Variants in TSEN2 observed in about 807,000 individuals in gnomAD.
The protein encoded by TSEN2 is tRNA-splicing endonuclease subunit Sen2.
Under a neutral mutation model 59.2 loss-of-function variants are expected in TSEN2, and 54 were observed. The ratio of observed to expected loss-of-function variants is 0.91; its 90% CI spans 0.73 to 1.14. The LOEUF (loss-of-function observed/expected upper bound fraction) is 1.14, where lower values mean the gene tolerates loss of function less well. Among genes scored for constraint, TSEN2 ranks in the 50% most tolerant of loss-of-function variants. The pLI, the probability that TSEN2 is intolerant of heterozygous loss-of-function variation, is 0.00. For synonymous variants in TSEN2, 195 were observed against 198.2 expected (o/e 0.98, Z 0.14); for missense variants, 636 against 576.2 (o/e 1.10, Z -1.06).
chr3:12,503,700 G>T lies in TSEN2; in HGVS notation c.747G>T (p.Gly249=), dbSNP rs572082975. The T allele has an allele frequency of 1.6e-5, 26 of 1,613,422 alleles. No homozygotes were observed. The South Asian group carries it at 2.6e-4, about 16-fold the overall frequency. The part of the protein sequence containing the change: ...GSQHIGLLHP[G]DRGPDHEYVL... The stretch of plus-strand genomic sequence containing the variant: ...AGCACATCGGCCTCCTGCATCCTGG[G>T]GACAGAGGGCCTGACCATGAGTACG... Residue 249 remains glycine (G), a synonymous_variant, in exon 5 of 12, where the codon GGG becomes GGT. Coordinates refer to ENST00000284995, the MANE Select transcript of TSEN2 (RefSeq NM_025265.4).
chr3:12,492,014 G>A, intron 2 of TSEN2, 122 bp from the exon 3 acceptor site: 1 of 781,488 alleles, frequency 1.3e-6, no homozygotes, highest in Non-Finnish European at 2.2e-6. Flanking sequence ...GCCGATTTTG[G>A]TATCCACCAG....
At position 12,528,929 on chromosome 3, in the gene TSEN2, G is replaced by A. The variant is rs752031887; in HGVS notation, c.1136+5G>A. 6.2e-6 allele frequency: 10 copies of A among 1,613,744 alleles called. No homozygotes were observed. Among genetic ancestry groups the A allele is most frequent in the South Asian group, 1.1e-5 (1 of 91,068 alleles). On this transcript the variant is annotated splice_donor_5th_base_variant and intron_variant, in intron 9 of 11. Transcript: ENST00000284995. The stretch of plus-strand genomic sequence containing the variant: ...CCCTCCATTTTACCATGCAAGGTTC[G>A]GAGTGATTTTTAAATAAACTAATGG...
intron 6 of TSEN2, among the ~76,000 whole-genome samples, chr3:12,515,577 C>T (rs2055981203): frequency 2.0e-5 from 3 of 152,220 alleles, no homozygotes; most frequent in African/African-American, 4.8e-5. Flanking sequence ...TATCTGTAGA[C>T]CCTAAGCGCC....
rs972852444 is a variant in TSEN2, at chr3:12,528,910, A to G, written c.1122A>G (p.Pro374=). 2.5e-6 allele frequency: 4 copies of G among 1,613,680 alleles called. No homozygotes were observed. The highest frequency in any genetic ancestry group is 1.3e-5 in the African/African-American group (1 of 74,796). ...CAGTGCTATATCGGAAAGGCCCTCC[A>G]TTTTACCATGCAAGGTTCGGAGTGA... The part of the protein sequence containing the change: ...TDLLLYRKGP[P]FYHASYSVII... The change falls in exon 9 of 12, where the codon CCA becomes CCG. Residue 374 remains proline (P), a synonymous_variant. Coordinates refer to ENST00000284995, the MANE Select transcript of TSEN2 (RefSeq NM_025265.4).
chr3:12,503,778 T>C lies in TSEN2; in HGVS notation c.825T>C (p.Asn275=), dbSNP rs1250750363. The C allele has an allele frequency of 6.2e-6, 10 of 1,613,830 alleles. No homozygotes were observed. The highest frequency in any genetic ancestry group is 1.6e-4 in the Middle Eastern group (1 of 6,062). ...CAMSEREAAP[N]EELVQRNRLI... is the part of the protein sequence containing the mutation. ...TGAGCGAGAGGGAGGCTGCCCCAAATGAGGAAGTAAGTAGAAGAAAATAAA... is the reference window on the plus strand; with the variant it reads ...TGAGCGAGAGGGAGGCTGCCCCAAACGAGGAAGTAAGTAGAAGAAAATAAA... Residue 275 remains asparagine, a synonymous_variant, in exon 5 of 12, where the codon AAT becomes AAC. Coordinates refer to ENST00000284995, the MANE Select transcript of TSEN2 (RefSeq NM_025265.4).
rs144549919 is a variant in TSEN2 at position 12,505,708 on chromosome 3, C to T, written c.909+477C>T. ...CTGAGGCAGGAGAATTGCTTGAACC[C>T]GGGAGGTGGAGGTTGCAGTAAGCCA... On this transcript the variant is annotated intron_variant, in intron 6 of 11. Coordinates refer to ENST00000284995, the MANE Select transcript of TSEN2 (RefSeq NM_025265.4). The T allele has an allele frequency of 8.8e-3, 1,296 of 146,826 alleles. 12 individuals carry two copies. The highest frequency in any genetic ancestry group is 0.03 in the African/African-American group (1,144 of 37,790). 9.1% of individuals were successfully genotyped at this position (146,826 alleles called of 1,614,324 possible).
chr3:12,505,410 T>G, intron 6 of TSEN2, 179 bp downstream of exon 6: 1 of 615,976 alleles, frequency 1.6e-6, no homozygotes, highest in Non-Finnish European at 2.9e-6. Flanking sequence ...TCAGCCTTTA[T>G]TTCATCAGTT....
chr3:12,482,308 A>G (rs1236389683), upstream of TSEN2, among the ~76,000 whole-genome samples: 1 of 152,082 alleles, frequency 6.6e-6, no homozygotes, highest in African/African-American at 2.4e-5. Context: ...TTTAGTAGAG[A>G]TGGGGTTTCT....
intron 8 of TSEN2, among the ~76,000 whole-genome samples, chr3:12,523,526 C>CTTTTTTTTTTT (rs546904336): frequency 0.023 from 1,085 of 46,446 alleles, 221 homozygotes; most frequent in Non-Finnish European, 0.039. Flanking sequence ...CTCTTTGATT[C>CTTTTTTTTTTT]TTTTTTTTTT....
At chr3:12,480,528 G>GTTTTTTTTTTTTTTTTTT (rs752340308), upstream of TSEN2, among the ~76,000 whole-genome samples, 54 of 91,728 alleles carry the variant, frequency 5.9e-4, no homozygotes, top group Non-Finnish European at 7.1e-4. Flanking sequence ...TTGTTTCTTT[G>GTTTTTTTTTTTTTTTTTT]TTTTTTTTTT....
intron 7 of TSEN2, among the ~76,000 whole-genome samples, chr3:12,517,897 A>T (rs1372498586): frequency 1.3e-5 from 2 of 152,220 alleles, no homozygotes; most frequent in East Asian, 3.9e-4. Flanking sequence ...TTGGGGTCAC[A>T]AGGTCACACA....
At position 12,508,519 on chromosome 3, in the gene TSEN2, C is replaced by A. The variant is rs926657088; in HGVS notation, c.909+3288C>A. On this transcript the variant is annotated intron_variant, in intron 6 of 11. Transcript: ENST00000284995. ...GGAACACAGGCAGAATGGGGTCTCA[C>A]CCCTGCTGTGGTGATTCACAACAGC... Among the ~76,000 whole-genome samples, 11 of 152,174 alleles carry A rather than the reference C, an allele frequency of 7.2e-5. No individual in the cohort carries two copies. In the South Asian group the frequency reaches 8.3e-4, roughly 11 times the overall value.
At chr3:12,514,090 C>T (rs1415770471) in intron 6 of TSEN2, among the ~76,000 whole-genome samples, 2 of 152,192 alleles carry the variant, frequency 1.3e-5, no homozygotes, top group Non-Finnish European at 2.9e-5. Flanking sequence ...CGGAGGAACA[C>T]ATGTAAGAGG....
chr3:12,507,615 A>G (rs1223539729), intron 6 of TSEN2, among the ~76,000 whole-genome samples: 1 of 152,202 alleles, frequency 6.6e-6, no homozygotes, highest in Non-Finnish European at 1.5e-5. Context: ...TTGGGTACCT[A>G]CTATGTGCCA....
At chr3:12,519,550 C>G (rs545076017) in intron 8 of TSEN2, among the ~76,000 whole-genome samples, 11 of 152,222 alleles carry the variant, frequency 7.2e-5, no homozygotes, top group African/African-American at 2.2e-4. Flanking sequence ...TCGAGACCAT[C>G]CTGACTAACA....
intron 2 of TSEN2, among the ~76,000 whole-genome samples, chr3:12,490,437 C>G (rs145204630): frequency 0.016 from 2,478 of 152,224 alleles, 69 homozygotes; most frequent in Admixed American, 0.029. Flanking sequence ...GCATGGAGCT[C>G]CTTATCTGCT....
chr3:12,528,682 T>C (rs555097627), intron 8 of TSEN2, among the ~76,000 whole-genome samples: 71 of 152,336 alleles, frequency 4.7e-4, no homozygotes, highest in African/African-American at 1.6e-3. Context: ...GTCATGCCAC[T>C]GCACTCCAGC....
chr3:12,496,799 A>G (rs1397014892), intron 4 of TSEN2, among the ~76,000 whole-genome samples: 2 of 152,158 alleles, frequency 1.3e-5, no homozygotes, highest in African/African-American at 2.4e-5. Flanking sequence ...ATTATGAATA[A>G]CTATCCTGTA....
chr3:12,489,077 A>G (rs2052944896), intron 1 of TSEN2, among the ~76,000 whole-genome samples: 1 of 149,300 alleles, frequency 6.7e-6, no homozygotes, highest in Non-Finnish European at 1.5e-5. Flanking sequence ...TTTGCAGGTG[A>G]GGAAACTAAA....
Sources: allele counts gnomAD v4.1 joint callset (sites outside exome capture counted in the v4.1 genomes callset), GRCh38; gene constraint gnomAD v4.1.1; transcripts MANE v1.5; gene names NCBI Gene and HGNC (gene_info 2026-07-23, HGNC 2026-07-21).